GLIS3: variants seen among roughly 807,000 people sequenced by gnomAD.
The protein encoded by GLIS3 is GLIS family zinc finger 3, also known as zinc finger protein GLIS3.
In GLIS3, 53 loss-of-function variants were observed where a neutral mutation model predicts 78.6. The observed-to-expected ratio is 0.67, with a 90% CI of 0.54 to 0.85. The LOEUF is 0.85. Ranked by LOEUF, GLIS3 falls within the 40% of genes least tolerant of loss-of-function variation. GLIS3 has a pLI of 0.00. For synonymous variants in GLIS3, 684 were observed against 509.9 expected (o/e 1.34, Z -4.60); for missense variants, 1,703 against 1,231.1 (o/e 1.38, Z -5.74).
chr9:4,114,866 C>G (rs1220167245), intron 4 of GLIS3, among the ~76,000 whole-genome samples: 1 of 152,184 alleles, frequency 6.6e-6, no homozygotes, highest in East Asian at 1.9e-4. Flanking sequence ...AGAACCCATT[C>G]TCTTCTTCCA....
Position 4,286,367 on chromosome 9 carries a change from G to T in GLIS3, c.59C>A (p.Pro20His), listed in dbSNP as rs775319770. 6.2e-7 allele frequency: 1 copy of T among 1,614,064 alleles called. No individual in the cohort carries two copies. The highest frequency in any genetic ancestry group is 1.3e-5 in the African/African-American group (1 of 74,936). The change falls in exon 2 of 11, where the codon CCT becomes CAT. Residue 20 changes from proline to histidine, a missense_variant. By Grantham distance (77) the Pro-to-His change is moderately conservative (BLOSUM62 -2). Coordinates refer to ENST00000381971, the MANE Select transcript of GLIS3 (RefSeq NM_001042413.2). The stretch of plus-strand genomic sequence containing the variant: ...AATGTGATGACCACTGACCATCCTA[G>T]GCCCCTGTGGGGTTCCCGATGTCCG... ...LHRTSGTPQG[P>H]RMVSGHHIPA... is the part of the protein sequence containing the mutation.
At chr9:4,421,352 C>A in the GLIS3 span, among the ~76,000 whole-genome samples, 2 of 152,096 alleles carry the variant, frequency 1.3e-5, no homozygotes, top group Non-Finnish European at 2.9e-5. Context: ...TGCTGTCAAG[C>A]AAAAGACATT....
the GLIS3 span, among the ~76,000 whole-genome samples, chr9:4,395,777 C>CTTTTTTTT: frequency 8.6e-5 from 11 of 127,718 alleles, no homozygotes; most frequent in Non-Finnish European, 1.0e-4. Context: ...TTCTTTTTTT[C>CTTTTTTTT]TTTTTTTTTT....
chr9:3,964,616 A>G (rs950651507), intron 4 of GLIS3, among the ~76,000 whole-genome samples: 1 of 152,238 alleles, frequency 6.6e-6, no homozygotes, highest in Admixed American at 6.5e-5. Context: ...TGATATTTCT[A>G]TATTTCTAAA....
intron 4 of GLIS3, among the ~76,000 whole-genome samples, chr9:4,116,755 A>G (rs1831670168): frequency 6.6e-6 from 1 of 152,226 alleles, no homozygotes; most frequent in Admixed American, 6.5e-5. Context: ...TATTTCACAT[A>G]TTTAGTACCA....
At position 4,328,204 on chromosome 9, in the gene GLIS3, C is replaced by T. The variant is rs1030060489; in HGVS notation, n.265-17676G>A. 2.0e-5 allele frequency among the ~76,000 whole-genome samples: 3 copies of T among 152,178 alleles called. No individual in the cohort carries two copies. The South Asian group carries it at 6.2e-4, about 32-fold the overall frequency. Reference sequence around the variant, plus strand: ...CCCCAAGACCCGAGACTGACTAACCCTTTGCAGCTTCAGAGGGCAGGAACA... The same window carrying T: ...CCCCAAGACCCGAGACTGACTAACCTTTTGCAGCTTCAGAGGGCAGGAACA... On this transcript the variant is annotated intron_variant and non_coding_transcript_variant, in intron 2 of 4. Coordinates refer to the GLIS3 transcript ENST00000471664.
Position 4,152,912 on chromosome 9 carries a change from G to T in GLIS3, c.389-26971C>A, listed in dbSNP as rs1161656264. ...TGGAGGAGAAAGCAACATATAATAA[G>T]TATGTTCATTCTTCCTAACTTTCTT... On this transcript the variant is annotated intron_variant, in intron 2 of 10. Coordinates refer to ENST00000381971, the MANE Select transcript of GLIS3 (RefSeq NM_001042413.2). 2.6e-5 allele frequency among the ~76,000 whole-genome samples: 4 copies of T among 152,182 alleles called. No individual in the cohort carries two copies. In the East Asian group the frequency reaches 7.7e-4, roughly 29 times the overall value.
At chr9:4,410,621 T>C in the GLIS3 span, among the ~76,000 whole-genome samples, 3 of 152,366 alleles carry the variant, frequency 2.0e-5, no homozygotes, top group East Asian at 3.9e-4. Context: ...AACTGCCATG[T>C]AGCCTCCATT....
At chr9:3,958,757 G>C (rs552247054) in intron 4 of GLIS3, among the ~76,000 whole-genome samples, 1 of 152,348 alleles carries the variant, frequency 6.6e-6, no homozygotes, top group South Asian at 2.1e-4. Flanking sequence ...TAAAGACAGA[G>C]ACTGTAAATC....
intron 8 of GLIS3, among the ~76,000 whole-genome samples, chr9:3,863,923 G>C (rs1820403044): frequency 6.6e-6 from 1 of 152,100 alleles, no homozygotes. Context: ...GAACGTCTCG[G>C]GTATGTCAGA....
chr9:4,146,200 G>T (rs1349059664), intron 2 of GLIS3, among the ~76,000 whole-genome samples: 1 of 152,112 alleles, frequency 6.6e-6, no homozygotes, highest in Non-Finnish European at 1.5e-5. Flanking sequence ...AAGTCTTTAT[G>T]CACCAGAACT....
upstream of GLIS3, among the ~76,000 whole-genome samples, chr9:4,350,106 G>A (rs1267317564): frequency 6.6e-6 from 1 of 152,224 alleles, no homozygotes; most frequent in East Asian, 1.9e-4. Context: ...AGCATAGTGA[G>A]AAGGGATCAG....
the GLIS3 span, among the ~76,000 whole-genome samples, chr9:4,464,472 G>A: frequency 1.3e-5 from 2 of 151,832 alleles, no homozygotes; most frequent in Non-Finnish European, 2.9e-5. Flanking sequence ...TCAGTTCACT[G>A]CAACCTCCAC....
intron 2 of GLIS3, among the ~76,000 whole-genome samples, chr9:4,178,549 T>C (rs1177568766): frequency 1.3e-5 from 2 of 152,248 alleles, no homozygotes; most frequent in Admixed American, 6.5e-5. Context: ...TTTGCTTGTT[T>C]CATGGTTTTG....
rs62546168 is a variant in GLIS3, at chr9:4,323,735, C to G, written n.265-13207G>C. 7.4e-3 allele frequency among the ~76,000 whole-genome samples: 1,130 copies of G among 152,318 alleles called. 8 individuals carry two copies. The highest frequency in any genetic ancestry group is 0.032 in the South Asian group (155 of 4,820). On this transcript the variant is annotated intron_variant and non_coding_transcript_variant, in intron 2 of 4. Coordinates refer to the GLIS3 transcript ENST00000471664. ...GCATGATTGGGATCTGTCTTCTCCA[C>G]TTGACTGGAAGCTCCTTAAAGGCAG...
intron 2 of GLIS3, among the ~76,000 whole-genome samples, chr9:4,195,638 G>A (rs144407967): frequency 2.4e-3 from 371 of 152,370 alleles, no homozygotes; most frequent in Non-Finnish European, 4.6e-3. Context: ...GTTCCACAGC[G>A]CCTGGTCCCA....
chr9:4,096,827 C>G (rs550298771), intron 4 of GLIS3, among the ~76,000 whole-genome samples: 2 of 152,180 alleles, frequency 1.3e-5, no homozygotes, highest in East Asian at 3.9e-4. Context: ...GCCTGGGCAA[C>G]ATGGCAAAAT....
At position 4,125,818 on chromosome 9, in the gene GLIS3, A is replaced by T; in HGVS notation, c.512T>A (p.Val171Asp). The T allele has an allele frequency of 6.2e-7, 1 of 1,614,058 alleles. No individual in the cohort carries two copies. Among genetic ancestry groups the T allele is most frequent in the Non-Finnish European group, 8.5e-7 (1 of 1,179,976 alleles). Residue 171 changes from valine (V) to aspartate (D), a missense_variant, in exon 3 of 11, where the codon GTC becomes GAC. Physicochemically the swap from Val to Asp is radical, Grantham distance 152. Transcript: ENST00000381971. ...LGLISPPASQ[V>D]STACNQISPS... The stretch of plus-strand genomic sequence containing the variant: ...ACTGATCTGGTTGCATGCTGTAGAG[A>T]CCTGGCTTGCTGGAGGTGAAATGAG...
At chr9:4,418,224 C>T in the GLIS3 span, among the ~76,000 whole-genome samples, 7 of 151,906 alleles carry the variant, frequency 4.6e-5, no homozygotes, top group Non-Finnish European at 1.0e-4. Context: ...TTAAACTCTG[C>T]TAGAGATGGC....
Sources: allele counts gnomAD v4.1 joint callset (sites outside exome capture counted in the v4.1 genomes callset), GRCh38; gene constraint gnomAD v4.1.1; transcripts MANE v1.5; gene names NCBI Gene and HGNC (gene_info 2026-07-23, HGNC 2026-07-21).